Variants in TBC1D1 observed in about 807,000 individuals in gnomAD.
TBC1D1 encodes TBC1 domain family member 1, also known as TBC1 (tre-2/USP6, BUB2, cdc16) domain family, member 1.
In TBC1D1, 89 loss-of-function variants were observed where a neutral mutation model predicts 125.6. The observed-to-expected ratio is 0.71, with a 90% CI of 0.60 to 0.85. The LOEUF (loss-of-function observed/expected upper bound fraction) is 0.85. TBC1D1 is among the 40% of genes least tolerant of loss of function. TBC1D1 has a pLI of 0.00. For missense variants in TBC1D1, 1,377 were observed against 1,469.2 expected, an observed-to-expected ratio of 0.94 and a Z score of 1.03; for synonymous variants, 565 against 564.1, an observed-to-expected ratio of 1.00 and a Z score of -0.02.
chr4:38,052,506 AT>A (rs532118518), intron 11 of TBC1D1, among the ~76,000 whole-genome samples: 10 of 147,738 alleles, frequency 6.8e-5, no homozygotes, highest in Non-Finnish European at 1.3e-4. Flanking sequence ...TAATATTTTT[AT>A]TTTTTTTTGT....
intron 12 of TBC1D1, chr4:38,060,681 C>T: frequency 1.6e-6 from 2 of 1,278,506 alleles, no homozygotes; most frequent in South Asian, 2.5e-5. Context: ...GAGGCAGTCT[C>T]ATCTGTCAGA....
At chr4:38,062,041 A>C (rs537809062) in intron 12 of TBC1D1, among the ~76,000 whole-genome samples, 187 of 152,312 alleles carry the variant, frequency 1.2e-3, no homozygotes, top group Admixed American at 1.8e-3. Context: ...TGGGCCAGAC[A>C]TGCCTTCCTG....
At chr4:37,933,027 G>C (rs1202126792) in intron 2 of TBC1D1, among the ~76,000 whole-genome samples, 2 of 151,244 alleles carry the variant, frequency 1.3e-5, no homozygotes, top group Admixed American at 1.3e-4. Context: ...ACTCCAGCCT[G>C]GGTGACAGAC....
At chr4:38,117,946 T>G in intron 16 of TBC1D1, 87 bp from the exon 19 acceptor site, 1 of 1,239,086 alleles carries the variant, frequency 8.1e-7, no homozygotes, top group Non-Finnish European at 1.2e-6. Flanking sequence ...GTAAGTCTTC[T>G]CTTACACCCA....
chr4:37,999,085 C>T (rs73236878), intron 2 of TBC1D1, among the ~76,000 whole-genome samples: 1 of 151,982 alleles, frequency 6.6e-6, no homozygotes, highest in Non-Finnish European at 1.5e-5. Flanking sequence ...CCTGTTTCCA[C>T]TAAAAATACA....
At chr4:38,053,022 T>G (rs1560699536) in intron 11 of TBC1D1, 84 bp from the exon 13 acceptor site, 2 of 1,037,662 alleles carry the variant, frequency 1.9e-6, no homozygotes, top group Non-Finnish European at 2.5e-6. Context: ...AACAAAAATG[T>G]TTCTTTTATT....
chr4:38,077,960 T>C (rs1445170784), intron 12 of TBC1D1, among the ~76,000 whole-genome samples: 1 of 152,130 alleles, frequency 6.6e-6, no homozygotes, highest in Non-Finnish European at 1.5e-5. Flanking sequence ...GGAAGAAGTC[T>C]GGGTGAGGAA....
chr4:37,902,543 G>C, intron 2 of TBC1D1, 31 bp downstream of exon 2: 1 of 1,539,446 alleles, frequency 6.5e-7, no homozygotes, highest in Non-Finnish European at 8.7e-7. Flanking sequence ...AAAGACTAAG[G>C]TGTGGCTGGC....
In TBC1D1 at chr4:38,052,712, A is replaced by ACGCG. The variant is rs58267781; in HGVS notation, c.1911-1473_1911-1470dup. On this transcript the variant is annotated intron_variant, in intron 11 of 19. Transcript: ENST00000261439. ...TACATGCATGCGTATATACACACACACGCGCGCGCGCGCGCGCACACACAC... is the reference window on the plus strand; with the variant it reads ...TACATGCATGCGTATATACACACACACGCGCGCGCGCGCGCGCGCGCACACACAC... Among the ~76,000 whole-genome samples, 1,046 of 125,532 alleles carry ACGCG rather than the reference A, an allele frequency of 8.3e-3. 8 individuals carry two copies. Among genetic ancestry groups the ACGCG allele is most frequent in the Non-Finnish European group, 0.014 (817 of 59,730 alleles). 82.4% of individuals were successfully genotyped at this position (125,532 alleles called of 152,430 possible).
chr4:37,947,441 G>A (rs1482675115), intron 2 of TBC1D1, among the ~76,000 whole-genome samples: 1 of 152,194 alleles, frequency 6.6e-6, no homozygotes, highest in East Asian at 1.9e-4. Context: ...ACAGGCATGA[G>A]CCACCATGCC....
chr4:38,126,860 C>G (rs1011971201), intron 18 of TBC1D1, among the ~76,000 whole-genome samples: 2 of 152,186 alleles, frequency 1.3e-5, no homozygotes, highest in African/African-American at 2.4e-5. Flanking sequence ...AGTGCTTTAG[C>G]AGCTCTCCTA....
At chr4:37,926,928 C>A (rs1034286488) in intron 2 of TBC1D1, among the ~76,000 whole-genome samples, 5 of 152,116 alleles carry the variant, frequency 3.3e-5, no homozygotes, top group Non-Finnish European at 7.3e-5. Flanking sequence ...ATCACTCTGG[C>A]CAACATGGTG....
At chr4:38,061,300 A>T (rs1752701399) in intron 12 of TBC1D1, among the ~76,000 whole-genome samples, 1 of 152,164 alleles carries the variant, frequency 6.6e-6, no homozygotes, top group Non-Finnish European at 1.5e-5. Context: ...CAAAAAAAAA[A>T]TGCTGAAAAT....
intron 12 of TBC1D1, among the ~76,000 whole-genome samples, chr4:38,061,457 C>CT (rs771410215): frequency 5.9e-5 from 9 of 152,168 alleles, no homozygotes; most frequent in Non-Finnish European, 1.0e-4. Context: ...TTATTTACCT[C>CT]TATGTGCTAG....
chr4:38,115,287 C>T (rs969372116), intron 15 of TBC1D1, among the ~76,000 whole-genome samples: 2 of 151,834 alleles, frequency 1.3e-5, no homozygotes, highest in Admixed American at 6.6e-5. Flanking sequence ...TTCTTAGTAG[C>T]GATGGGGTTT....
At chr4:38,096,862 G>T (rs1759439781) in intron 14 of TBC1D1, among the ~76,000 whole-genome samples, 1 of 151,918 alleles carries the variant, frequency 6.6e-6, no homozygotes, top group African/African-American at 2.4e-5. Flanking sequence ...ATATCAGCCT[G>T]TAGTAGATTG....
chr4:37,947,538 G>C (rs1726959478), intron 2 of TBC1D1, among the ~76,000 whole-genome samples: 3 of 152,102 alleles, frequency 2.0e-5, no homozygotes, highest in Non-Finnish European at 4.4e-5. Context: ...ATAGCTCACT[G>C]CAGCCTCGAC....
At position 37,960,840 on chromosome 4, in the gene TBC1D1, A is replaced by T. The variant is rs763998644; in HGVS notation, c.418-53669A>T. ...TTTTGACCTGCCTGAAGAGCGCCAG[A>T]TTGCACACCTCCCCTTGAGTGGAGT... On this transcript the variant is annotated intron_variant, in intron 2 of 19. Coordinates refer to ENST00000261439, the MANE Select transcript of TBC1D1 (RefSeq NM_015173.4). 6 of 1,614,064 alleles carry T rather than the reference A, an allele frequency of 3.7e-6. No homozygotes were observed. In the Admixed American group the frequency reaches 1.0e-4, roughly 27 times the overall value.
At chr4:38,107,830 C>T (rs1761597128) in intron 15 of TBC1D1, among the ~76,000 whole-genome samples, 1 of 151,994 alleles carries the variant, frequency 6.6e-6, no homozygotes, top group South Asian at 2.1e-4. Flanking sequence ...GTTCTGGAAC[C>T]CAGGTCTCCT....
Sources: allele counts gnomAD v4.1 joint callset (sites outside exome capture counted in the v4.1 genomes callset), GRCh38; gene constraint gnomAD v4.1.1; transcripts MANE v1.5; gene names NCBI Gene and HGNC (gene_info 2026-07-23, HGNC 2026-07-21).